Variants in GRIK4 observed in about 807,000 individuals in gnomAD.
GRIK4 encodes the protein glutamate receptor ionotropic, kainate 4.
Under a neutral mutation model 104.9 loss-of-function variants are expected in GRIK4, and 40 were observed. The ratio of observed to expected loss-of-function variants is 0.38; its 90% confidence interval spans 0.30 to 0.50. GRIK4 has a LOEUF of 0.50. GRIK4 is among the 20% of genes least tolerant of loss of function. GRIK4 has a pLI of 0.93. For missense variants in GRIK4, 1,047 were observed against 1,308.1 expected (o/e 0.80, Z 3.08); for synonymous variants, 485 against 524.9 (o/e 0.92, Z 1.04).
intron 1 of GRIK4, among the ~76,000 whole-genome samples, chr11:120,619,585 T>A (rs1949159488): frequency 1.3e-5 from 2 of 152,176 alleles, no homozygotes; most frequent in African/African-American, 4.8e-5. Context: ...TGGAGGGGGA[T>A]CCTGGTGGGA....
chr11:120,933,976 G>A lies in GRIK4; in HGVS notation c.1477-6371G>A, dbSNP rs368155802. ...TCCCAGCACTTTGGGAGGCCAAGGC[G>A]GGTGGATCACGAGGTCAGGAGATCG... On this transcript the variant is annotated intron_variant, in intron 13 of 20. Coordinates refer to ENST00000527524, the MANE Select transcript of GRIK4 (RefSeq NM_014619.5). Among the ~76,000 whole-genome samples, 242 of 152,176 alleles carry A rather than the reference G, an allele frequency of 1.6e-3. 1 individual carries two copies. Among genetic ancestry groups the A allele is most frequent in the Middle Eastern group, 0.01 (3 of 294 alleles).
chr11:120,831,948 T>C lies in GRIK4; in HGVS notation c.608T>C (p.Leu203Pro), dbSNP rs2135564407. 1 of 1,613,778 alleles carries C rather than the reference T, an allele frequency of 6.2e-7. No homozygotes were observed. Among genetic ancestry groups the C allele is most frequent in the Non-Finnish European group, 8.5e-7 (1 of 1,179,870 alleles). ...GATGACACCCGGGACCCCACCCCGCTCCTCAAGGAGATCCGGGACGACAAG... is the reference window on the plus strand; with the variant it reads ...GATGACACCCGGGACCCCACCCCGCCCCTCAAGGAGATCCGGGACGACAAG... ...MLDDTRDPTP[L>P]LKEIRDDKTA... is the part of the protein sequence containing the mutation. Residue 203 changes from leucine (L) to proline (P), a missense_variant, in exon 7 of 21, where the codon CTC (leucine) becomes CCC (proline). By Grantham distance (98) the Leu-to-Pro change is moderately conservative. Coordinates refer to ENST00000527524, the MANE Select transcript of GRIK4 (RefSeq NM_014619.5).
chr11:120,748,193 C>G (rs1951480936), intron 3 of GRIK4, among the ~76,000 whole-genome samples: 1 of 152,028 alleles, frequency 6.6e-6, no homozygotes, highest in Admixed American at 6.5e-5. Flanking sequence ...TTAAACCCTC[C>G]TCTCTCCCTG....
chr11:120,592,750 C>T (rs1948750268), intron 1 of GRIK4, among the ~76,000 whole-genome samples: 1 of 152,130 alleles, frequency 6.6e-6, no homozygotes, highest in South Asian at 2.1e-4. Context: ...CCCGCCTGAC[C>T]TCCCACCCAC....
At chr11:120,854,805 A>C (rs147060149) in intron 8 of GRIK4, among the ~76,000 whole-genome samples, 4 of 152,300 alleles carry the variant, frequency 2.6e-5, no homozygotes, top group African/African-American at 9.6e-5. Context: ...CCATTTTAAA[A>C]TGAGGAAACT....
intron 16 of GRIK4, among the ~76,000 whole-genome samples, chr11:120,957,718 G>A (rs763294267): frequency 1.3e-5 from 2 of 151,550 alleles, no homozygotes; most frequent in Non-Finnish European, 2.9e-5. Flanking sequence ...CAGGACTTAC[G>A]ACCTTGGTTC....
chr11:120,658,334 C>T (rs1949746844), intron 2 of GRIK4, among the ~76,000 whole-genome samples: 1 of 152,162 alleles, frequency 6.6e-6, no homozygotes, highest in African/African-American at 2.4e-5. Context: ...CACCAGAGTG[C>T]TGCTATAGAC....
intron 1 of GRIK4, among the ~76,000 whole-genome samples, chr11:120,529,044 C>G (rs570219696): frequency 6.6e-6 from 1 of 152,278 alleles, no homozygotes; most frequent in East Asian, 1.9e-4. Context: ...CTTCCACCTC[C>G]TCTCCTTCTC....
At chr11:120,743,279 G>A (rs889366164) in intron 3 of GRIK4, among the ~76,000 whole-genome samples, 19 of 150,966 alleles carry the variant, frequency 1.3e-4, no homozygotes, top group African/African-American at 4.6e-4. Flanking sequence ...GCAGGAACAT[G>A]GATGGAACTG....
At chr11:120,585,451 C>G (rs1172973109) in intron 1 of GRIK4, among the ~76,000 whole-genome samples, 1 of 151,796 alleles carries the variant, frequency 6.6e-6, no homozygotes, top group Non-Finnish European at 1.5e-5. Context: ...CTGGTTCAAG[C>G]GATTCTGGTG....
At chr11:120,660,156 T>G in intron 2 of GRIK4, 113 bp from the exon 3 acceptor site, 1 of 602,168 alleles carries the variant, frequency 1.7e-6, no homozygotes, top group East Asian at 2.8e-5. Context: ...GAGCCCGGCA[T>G]GTAAGGAGGA....
intron 13 of GRIK4, among the ~76,000 whole-genome samples, chr11:120,910,734 G>C (rs1006526440): frequency 1.3e-5 from 2 of 152,184 alleles, no homozygotes; most frequent in Admixed American, 1.3e-4. Context: ...GACTCAAGGA[G>C]GCCACTCTTT....
At chr11:120,606,489 T>C (rs1470362489) in intron 1 of GRIK4, among the ~76,000 whole-genome samples, 1 of 152,168 alleles carries the variant, frequency 6.6e-6, no homozygotes, top group African/African-American at 2.4e-5. Flanking sequence ...AAGCCAGGGG[T>C]AGAGCCCGAG....
chr11:120,807,216 C>T (rs541737779), intron 4 of GRIK4, among the ~76,000 whole-genome samples: 1 of 152,314 alleles, frequency 6.6e-6, no homozygotes, highest in East Asian at 1.9e-4. Flanking sequence ...GGAGCTACCA[C>T]AAGCTACCTC....
intron 3 of GRIK4, among the ~76,000 whole-genome samples, chr11:120,671,682 G>C (rs185653441): frequency 6.6e-6 from 1 of 152,186 alleles, no homozygotes; most frequent in African/African-American, 2.4e-5. Context: ...CAGGTTGCCT[G>C]TTCTCTCTGA....
intron 1 of GRIK4, among the ~76,000 whole-genome samples, chr11:120,546,597 C>T (rs1418974974): frequency 6.6e-6 from 1 of 152,104 alleles, no homozygotes. Flanking sequence ...CATAGCATAT[C>T]CCCATGGGAG....
intron 14 of GRIK4, among the ~76,000 whole-genome samples, chr11:120,942,558 G>A (rs1429979990): frequency 6.6e-6 from 1 of 152,110 alleles, no homozygotes; most frequent in Non-Finnish European, 1.5e-5. Context: ...GACCCCAAGT[G>A]TTTTTGCCAC....
chr11:120,604,872 T>C (rs1174742447), intron 1 of GRIK4, among the ~76,000 whole-genome samples: 1 of 152,184 alleles, frequency 6.6e-6, no homozygotes, highest in Non-Finnish European at 1.5e-5. Flanking sequence ...CTGATATATA[T>C]ATGTATTTGA....
chr11:120,612,909 G>C (rs973259864), intron 1 of GRIK4, among the ~76,000 whole-genome samples: 1 of 152,334 alleles, frequency 6.6e-6, no homozygotes, highest in South Asian at 2.1e-4. Flanking sequence ...AGAGGAGTGA[G>C]GTAGGTAGGG....
Sources: gnomAD v4.1 joint callset for allele counts (sites outside exome capture counted in the v4.1 genomes callset) on GRCh38, gnomAD v4.1.1 for gene constraint, MANE v1.5 for transcripts, NCBI Gene and HGNC (gene_info 2026-07-23, HGNC 2026-07-21) for gene names.